The following NIPAL1 variants were observed in gnomAD, a reference collection of about 807,000 sequenced individuals.
NIPAL1 encodes NIPA like domain containing 1.
In NIPAL1, 35 loss-of-function variants were observed where a neutral mutation model predicts 37.7. That is an observed-to-expected ratio of 0.93 (90% CI 0.71 to 1.23). The LOEUF is 1.23. NIPAL1 is among the 50% of genes most tolerant of loss of function. NIPAL1 has a pLI of 0.00. For synonymous variants in NIPAL1, 162 were observed against 183.0 expected, an observed-to-expected ratio of 0.89 and a Z score of 0.93; for missense variants, 412 against 473.9, an observed-to-expected ratio of 0.87 and a Z score of 1.21.
At chr4:48,019,297 G>A (rs1277873808) in intron 1 of NIPAL1, among the ~76,000 whole-genome samples, 1 of 152,204 alleles carries the variant, frequency 6.6e-6, no homozygotes, top group Non-Finnish European at 1.5e-5. Context: ...ACAGGCATGA[G>A]CCATCCCCCA....
chr4:48,031,137 C>T (rs910770479), intron 3 of NIPAL1, among the ~76,000 whole-genome samples: 19 of 151,762 alleles, frequency 1.3e-4, no homozygotes, highest in South Asian at 8.3e-4. Context: ...GGATCTCGGC[C>T]CACTGCAGCC....
At chr4:48,032,261 T>C (rs1002225624) in intron 3 of NIPAL1, among the ~76,000 whole-genome samples, 1 of 152,218 alleles carries the variant, frequency 6.6e-6, no homozygotes, top group Non-Finnish European at 1.5e-5. Context: ...TACTACATTC[T>C]GTGGGCAAGT....
At chr4:48,025,561 T>C (rs1056776539) in intron 2 of NIPAL1, among the ~76,000 whole-genome samples, 1 of 152,206 alleles carries the variant, frequency 6.6e-6, no homozygotes, top group African/African-American at 2.4e-5. Flanking sequence ...AGTGTCACTA[T>C]AAATAGCAGC....
Position 48,035,803 on chromosome 4 carries a change from TAC to T in NIPAL1, c.868_869del (p.Gln290AspfsTer2). The stretch of plus-strand genomic sequence containing the variant: ...TGGCTGTACTTGTGCTTTCAGTAAC[TAC>T]ACAGATTAACTATCTCAACAAGGCA... ...LLAVLVLSVTTQINYLNKALD... is the reference protein window; with the variant it reads ...LLAVLVLSVTXQINYLNKALD... On this transcript the variant is annotated frameshift_variant, in exon 6 of 6. Transcript: ENST00000295461. LOFTEE classifies it high-confidence loss of function. The T allele has an allele frequency of 6.2e-7, 1 of 1,614,228 alleles. No individual in the cohort carries two copies. The highest frequency in any genetic ancestry group is 8.5e-7 in the Non-Finnish European group (1 of 1,180,030).
intron 2 of NIPAL1, among the ~76,000 whole-genome samples, chr4:48,028,499 C>G (rs1715743967): frequency 1.3e-5 from 2 of 152,092 alleles, no homozygotes. Context: ...AAAAACTTTT[C>G]TGGACATTGG....
rs763243088 is a variant in NIPAL1, at chr4:48,033,062, G to A, written c.440G>A (p.Gly147Asp). Residue 147 changes from glycine (G) to aspartate (D), a missense_variant, in exon 4 of 6, where the codon GGT becomes GAT. Physicochemically the swap from Gly to Asp is moderately conservative, Grantham distance 94 (BLOSUM62 -1). Coordinates refer to ENST00000295461, the MANE Select transcript of NIPAL1 (RefSeq NM_207330.3). ...FAPATLVTPL[G>D]ALSVLISAIL... is the part of the protein sequence containing the mutation. ...CCTGCCACCTTGGTCACCCCTCTGG[G>A]TGCTTTGAGTGTTCTCATAAGGTAT... 11 of 1,613,036 alleles carry A rather than the reference G, an allele frequency of 6.8e-6. No individual in the cohort carries two copies. The African/African-American group carries it at 1.3e-4, about 20-fold the overall frequency.
At chr4:48,034,376 C>T (rs1183694548) in intron 4 of NIPAL1, among the ~76,000 whole-genome samples, 3 of 151,838 alleles carry the variant, frequency 2.0e-5, no homozygotes, top group Non-Finnish European at 4.4e-5. Context: ...TATGTGTTGC[C>T]CAAGACAATT....
At position 48,023,023 on chromosome 4, in the gene NIPAL1, A is replaced by G. The variant is rs544282078; in HGVS notation, c.47-2045A>G. Among the ~76,000 whole-genome samples, 7 of 152,086 alleles carry G rather than the reference A, an allele frequency of 4.6e-5. No individual in the cohort carries two copies. In the South Asian group the frequency reaches 1.5e-3, roughly 32 times the overall value. On this transcript the variant is annotated intron_variant, in intron 1 of 5. Coordinates refer to ENST00000295461, the MANE Select transcript of NIPAL1 (RefSeq NM_207330.3). The stretch of plus-strand genomic sequence containing the variant: ...GAAATGAAAATTTGCAGCAGTTAGG[A>G]TATTTAGTTTTGACTTTGAGTTTAT...
At chr4:48,032,273 T>C (rs1263156780) in intron 3 of NIPAL1, among the ~76,000 whole-genome samples, 7 of 152,230 alleles carry the variant, frequency 4.6e-5, no homozygotes, top group Admixed American at 4.6e-4. Context: ...TGGGCAAGTT[T>C]CCCACTGTGT....
chr4:48,036,158 A>G lies in NIPAL1; in HGVS notation c.1219A>G (p.Arg407Gly), dbSNP rs747603149. 1 of 1,600,976 alleles carries G rather than the reference A, an allele frequency of 6.2e-7. No homozygotes were observed. The change falls in exon 6 of 6, where the codon AGA (arginine) becomes GGA (glycine). Residue 407 changes from arginine to glycine, a missense_variant. Transcript: ENST00000295461. ...CAATGATGACGTTACCTTGTTTAGT[A>G]GAACTGATGACTGAAGTCTCTAGAA... is the stretch of plus-strand genomic sequence containing the variant. ...GYNDDVTLFSRTDD is the reference protein window; with the variant it reads ...GYNDDVTLFSGTDD
chr4:48,023,605 A>G (rs1421133614), intron 1 of NIPAL1, among the ~76,000 whole-genome samples: 1 of 152,248 alleles, frequency 6.6e-6, no homozygotes, highest in Non-Finnish European at 1.5e-5. Context: ...AAGACAGAAC[A>G]TCTTGTCACA....
At chr4:48,018,598 G>T (rs904850780) in intron 1 of NIPAL1, among the ~76,000 whole-genome samples, 3 of 152,172 alleles carry the variant, frequency 2.0e-5, no homozygotes, top group African/African-American at 7.2e-5. Flanking sequence ...AGTAGGTGCA[G>T]GTGGGATTAC....
intron 1 of NIPAL1, among the ~76,000 whole-genome samples, chr4:48,017,532 T>C (rs1715460656): frequency 6.6e-6 from 1 of 152,230 alleles, no homozygotes; most frequent in Admixed American, 6.5e-5. Context: ...AGAGGAAACC[T>C]GGAACCGGGA....
intron 1 of NIPAL1, among the ~76,000 whole-genome samples, chr4:48,019,031 G>GT (rs1243356205): frequency 2.0e-5 from 3 of 151,640 alleles, no homozygotes; most frequent in Non-Finnish European, 4.4e-5. Flanking sequence ...ACTTTTTTTT[G>GT]TTTTTTTGAG....
intron 2 of NIPAL1, among the ~76,000 whole-genome samples, chr4:48,028,320 T>C (rs1715737393): frequency 6.6e-6 from 1 of 152,110 alleles, no homozygotes; most frequent in Non-Finnish European, 1.5e-5. Flanking sequence ...TAATATACGC[T>C]AGGGAACGGC....
chr4:48,026,042 C>T lies in NIPAL1; in HGVS notation c.313+708C>T, dbSNP rs561867273. On this transcript the variant is annotated intron_variant, in intron 2 of 5. Transcript: ENST00000295461. ...ACAGCAGGTCTCCCCACCCCACCCC[C>T]GTTATTCTCTGTCATTGCACTAATA... Among the ~76,000 whole-genome samples the T allele has an allele frequency of 5.9e-5, 9 of 152,230 alleles. No individual in the cohort carries two copies. In the South Asian group the frequency reaches 1.7e-3, roughly 28 times the overall value.
chr4:48,022,807 G>C (rs1023647040), intron 1 of NIPAL1, among the ~76,000 whole-genome samples: 1 of 147,418 alleles, frequency 6.8e-6, no homozygotes, highest in Non-Finnish European at 1.5e-5. Context: ...AACGTAGTGA[G>C]AGCCCATCTC....
At chr4:48,028,322 G>A (rs1715737525) in intron 2 of NIPAL1, among the ~76,000 whole-genome samples, 1 of 152,054 alleles carries the variant, frequency 6.6e-6, no homozygotes, top group Non-Finnish European at 1.5e-5. Context: ...ATATACGCTA[G>A]GGAACGGCTA....
At chr4:48,028,738 C>T (rs116301526) in intron 2 of NIPAL1, among the ~76,000 whole-genome samples, 1 of 151,770 alleles carries the variant, frequency 6.6e-6, no homozygotes, top group Non-Finnish European at 1.5e-5. Flanking sequence ...AAAAACAAAC[C>T]CATGAAAAAG....
Sources: allele counts gnomAD v4.1 joint callset (sites outside exome capture counted in the v4.1 genomes callset), GRCh38; gene constraint gnomAD v4.1.1; transcripts MANE v1.5; gene names NCBI Gene and HGNC (gene_info 2026-07-23, HGNC 2026-07-21).